LOC128125817: variants seen among roughly 807,000 people sequenced by gnomAD.
the LOC128125817 span, among the ~76,000 whole-genome samples, chr1:41,591,959 A>G: frequency 1.3e-5 from 2 of 152,146 alleles, no homozygotes; most frequent in East Asian, 3.9e-4. Flanking sequence ...CTGCTGTTTG[A>G]GGTCAATTCC....
At chr1:41,606,424 A>G in the LOC128125817 span, among the ~76,000 whole-genome samples, 5 of 151,896 alleles carry the variant, frequency 3.3e-5, no homozygotes, top group Non-Finnish European at 7.4e-5. Flanking sequence ...CGACAGTATA[A>G]TTAAGTCTAC....
At chr1:41,628,350 A>C in the LOC128125817 span, among the ~76,000 whole-genome samples, 197 of 152,288 alleles carry the variant, frequency 1.3e-3, 2 homozygotes, top group African/African-American at 4.6e-3. Context: ...AAGAACCATT[A>C]TGTAGGAGAA....
the LOC128125817 span, among the ~76,000 whole-genome samples, chr1:41,627,907 CCTTT>C: frequency 1.6e-3 from 226 of 142,064 alleles, 2 homozygotes; most frequent in African/African-American, 5.1e-3. Flanking sequence ...TTCCTTCCTT[CCTTT>C]GTCATACCAG....
chr1:41,624,693 C>A, the LOC128125817 span, among the ~76,000 whole-genome samples: 2 of 152,160 alleles, frequency 1.3e-5, no homozygotes, highest in African/African-American at 2.4e-5. Flanking sequence ...TCCTGTCTGA[C>A]TTATGTGTGT....
the LOC128125817 span, among the ~76,000 whole-genome samples, chr1:41,604,383 C>G: frequency 1.3e-5 from 2 of 152,074 alleles, no homozygotes; most frequent in African/African-American, 2.4e-5. Context: ...AAATATATAT[C>G]TTACAGATAT....
the LOC128125817 span, among the ~76,000 whole-genome samples, chr1:41,607,808 C>G: frequency 6.6e-6 from 1 of 152,222 alleles, no homozygotes; most frequent in East Asian, 1.9e-4. Context: ...TATGTGCAAT[C>G]TGAGTTTAAG....
At chr1:41,585,480 G>C in the LOC128125817 span, among the ~76,000 whole-genome samples, 14 of 152,166 alleles carry the variant, frequency 9.2e-5, no homozygotes, top group East Asian at 1.5e-3. Flanking sequence ...CACAGGCTCC[G>C]GCTCCACATG....
At chr1:41,606,355 T>C in the LOC128125817 span, among the ~76,000 whole-genome samples, 1 of 152,032 alleles carries the variant, frequency 6.6e-6, no homozygotes, top group Admixed American at 6.5e-5. Context: ...CCTTCCCTCC[T>C]GCCCACCTTC....
the LOC128125817 span, among the ~76,000 whole-genome samples, chr1:41,613,735 A>G: frequency 7.9e-5 from 12 of 152,226 alleles, no homozygotes; most frequent in African/African-American, 2.9e-4. Flanking sequence ...AGGGTTGTGC[A>G]ACCATCCCAA....
chr1:41,614,330 A>C, the LOC128125817 span, among the ~76,000 whole-genome samples: 2 of 152,216 alleles, frequency 1.3e-5, no homozygotes, highest in African/African-American at 4.8e-5. Context: ...GGAGAGTACC[A>C]TTTCTGAGAT....
chr1:41,609,631 C>T, the LOC128125817 span, among the ~76,000 whole-genome samples: 1 of 152,258 alleles, frequency 6.6e-6, no homozygotes, highest in Non-Finnish European at 1.5e-5. Context: ...ACCCTTCAGC[C>T]TCCCCACTAG....
chr1:41,585,667 A>T, the LOC128125817 span, among the ~76,000 whole-genome samples: 3 of 152,224 alleles, frequency 2.0e-5, no homozygotes, highest in South Asian at 4.2e-4. Flanking sequence ...CTGTTTTGTG[A>T]TCCACTCTGA....
chr1:41,605,465 A>C, the LOC128125817 span, among the ~76,000 whole-genome samples: 1 of 152,186 alleles, frequency 6.6e-6, no homozygotes, highest in East Asian at 1.9e-4. Context: ...GTTTGTGTAC[A>C]TAACTGTATG....
the LOC128125817 span, among the ~76,000 whole-genome samples, chr1:41,599,711 A>G: frequency 6.6e-6 from 1 of 152,218 alleles, no homozygotes; most frequent in Admixed American, 6.5e-5. Context: ...ATACACAACA[A>G]AAGTACAAAT....
chr1:41,604,137 A>C, the LOC128125817 span, among the ~76,000 whole-genome samples: 1 of 152,350 alleles, frequency 6.6e-6, no homozygotes, highest in South Asian at 2.1e-4. Flanking sequence ...CTAATGCCAC[A>C]CACCTACCCT....
At chr1:41,613,515 G>A in the LOC128125817 span, among the ~76,000 whole-genome samples, 2 of 152,200 alleles carry the variant, frequency 1.3e-5, no homozygotes, top group Admixed American at 1.3e-4. Flanking sequence ...ATAAATAAAT[G>A]AATGAACAAA....
chr1:41,592,442 T>C, the LOC128125817 span, among the ~76,000 whole-genome samples: 1 of 152,238 alleles, frequency 6.6e-6, no homozygotes, highest in African/African-American at 2.4e-5. Flanking sequence ...ATTTCCTAGT[T>C]TGCTCAGGCT....
the LOC128125817 span, among the ~76,000 whole-genome samples, chr1:41,585,937 A>G: frequency 6.6e-6 from 1 of 152,160 alleles, no homozygotes; most frequent in Non-Finnish European, 1.5e-5. Context: ...CACAAGGGAC[A>G]TCATTCACTG....
At chr1:41,586,976 C>T in the LOC128125817 span, among the ~76,000 whole-genome samples, 3 of 152,028 alleles carry the variant, frequency 2.0e-5, no homozygotes. Context: ...AAGAGTACTG[C>T]TATACCAATA....
Sources: allele counts gnomAD v4.1 joint callset (sites outside exome capture counted in the v4.1 genomes callset), GRCh38; gene constraint gnomAD v4.1.1; transcripts MANE v1.5.